Variants in ADGRL2 observed in about 807,000 individuals in gnomAD.
The protein encoded by ADGRL2 is adhesion G protein-coupled receptor L2, also known as calcium-independent alpha-latrotoxin receptor 2.
A neutral mutation model predicts 157.4 loss-of-function variants in ADGRL2; 44 were observed. The ratio of observed to expected loss-of-function variants is 0.28; its 90% confidence interval spans 0.22 to 0.36. ADGRL2 has a LOEUF of 0.36. Among genes scored for constraint, ADGRL2 ranks in the 10% least tolerant of loss-of-function variants. ADGRL2 has a pLI of 1.00. For missense variants in ADGRL2, 1,510 were observed against 1,768.9 expected (o/e 0.85, Z 2.63); for synonymous variants, 585 against 624.7 (o/e 0.94, Z 0.95).
intron 2 of ADGRL2, among the ~76,000 whole-genome samples, chr1:81,507,774 G>C (rs76843343): frequency 0.017 from 2,549 of 152,284 alleles, 40 homozygotes; most frequent in East Asian, 0.052. Flanking sequence ...GAATAATTCA[G>C]AAAAGGTAGA....
intron 2 of ADGRL2, among the ~76,000 whole-genome samples, chr1:81,528,537 C>T (rs2079521767): frequency 6.6e-6 from 1 of 151,110 alleles, no homozygotes; most frequent in South Asian, 2.1e-4. Flanking sequence ...GTCTCAGCTA[C>T]TCGGGAGGCT....
chr1:81,697,178 A>T (rs916505933), upstream of ADGRL2, among the ~76,000 whole-genome samples: 4 of 152,208 alleles, frequency 2.6e-5, no homozygotes, highest in Admixed American at 1.3e-4. Flanking sequence ...TAGGGGTTCA[A>T]ATTGAAGCCC....
At chr1:81,736,750 G>T (rs1163787028) in intron 1 of ADGRL2, among the ~76,000 whole-genome samples, 2 of 152,164 alleles carry the variant, frequency 1.3e-5, no homozygotes, top group African/African-American at 4.8e-5. Flanking sequence ...TGAGGACAGA[G>T]ATGCCACCTG....
chr1:81,328,187 C>T, intron 1 of ADGRL2, among the ~76,000 whole-genome samples: 1 of 152,240 alleles, frequency 6.6e-6, no homozygotes, highest in East Asian at 1.9e-4. Context: ...CATTTCTTTA[C>T]AGTAAGCTTC....
intron 2 of ADGRL2, among the ~76,000 whole-genome samples, chr1:81,459,821 T>C (rs2077887301): frequency 6.7e-6 from 1 of 149,376 alleles, no homozygotes; most frequent in South Asian, 2.1e-4. Flanking sequence ...TGTATATATA[T>C]ATATATATAT....
chr1:81,466,679 GCA>G (rs5775620), intron 2 of ADGRL2, among the ~76,000 whole-genome samples: 31 of 151,284 alleles, frequency 2.0e-4, no homozygotes, highest in African/African-American at 2.2e-4. Context: ...TCACGCGCGC[GCA>G]CACACACACA....
At chr1:81,507,507 T>C (rs1287496062) in intron 2 of ADGRL2, among the ~76,000 whole-genome samples, 2 of 152,184 alleles carry the variant, frequency 1.3e-5, no homozygotes, top group African/African-American at 2.4e-5. Context: ...TGACCACGTG[T>C]TTTGGAATTG....
Position 81,347,784 on chromosome 1 carries a change from A to G in ADGRL2, c.-302+41275A>G, listed in dbSNP as rs1456723953. On this transcript the variant is annotated intron_variant, in intron 1 of 24. Coordinates refer to the ADGRL2 transcript ENST00000370721. ...ATGGATGCATTTCACGGACTTAATCAGGCATCTCTGCAAAAGCCAGGAATA... is the reference window on the plus strand; with the variant it reads ...ATGGATGCATTTCACGGACTTAATCGGGCATCTCTGCAAAAGCCAGGAATA... Among the ~76,000 whole-genome samples, 3 of 152,304 alleles carry G rather than the reference A, an allele frequency of 2.0e-5. No homozygotes were observed. The East Asian group carries it at 5.8e-4, about 29-fold the overall frequency.
At chr1:81,988,743 A>C (rs1663908397) in intron 23 of ADGRL2, among the ~76,000 whole-genome samples, 1 of 152,106 alleles carries the variant, frequency 6.6e-6, no homozygotes, top group Non-Finnish European at 1.5e-5. Flanking sequence ...TTGGTCATGA[A>C]GTTTGTGTCA....
At chr1:81,707,600 C>A (rs2083779950) in intron 1 of ADGRL2, among the ~76,000 whole-genome samples, 1 of 152,064 alleles carries the variant, frequency 6.6e-6, no homozygotes, top group Admixed American at 6.6e-5. Context: ...CTGGACAATC[C>A]TAAATGAAGG....
chr1:81,511,339 C>T (rs2079071509), intron 2 of ADGRL2, among the ~76,000 whole-genome samples: 1 of 138,332 alleles, frequency 7.2e-6, no homozygotes, highest in Non-Finnish European at 1.5e-5. Flanking sequence ...CCAGGAGCTC[C>T]AAGCCCAGTC....
At chr1:81,393,151 G>A (rs940006377) in intron 1 of ADGRL2, among the ~76,000 whole-genome samples, 7 of 152,140 alleles carry the variant, frequency 4.6e-5, no homozygotes, top group Middle Eastern at 3.4e-3. Flanking sequence ...AATATAACTA[G>A]TTCCCTACTC....
intron 2 of ADGRL2, among the ~76,000 whole-genome samples, chr1:81,895,429 A>C (rs2094363033): frequency 9.6e-6 from 1 of 104,614 alleles, no homozygotes; most frequent in Non-Finnish European, 1.8e-5. Flanking sequence ...ATGGAGTTTC[A>C]CTCTTGTTGC....
intron 2 of ADGRL2, among the ~76,000 whole-genome samples, chr1:81,509,148 T>A (rs1023267328): frequency 1.8e-4 from 28 of 152,096 alleles, no homozygotes; most frequent in African/African-American, 6.0e-4. Context: ...AGTAATGGAG[T>A]ATGGTACTTC....
chr1:81,917,404 A>C (rs1395237773), intron 3 of ADGRL2, among the ~76,000 whole-genome samples: 1 of 152,092 alleles, frequency 6.6e-6, no homozygotes, highest in Admixed American at 6.6e-5. Context: ...TATTTTCTTT[A>C]AGTATATTAT....
At position 81,943,617 on chromosome 1, in the gene ADGRL2, A is replaced by G. The variant is rs1648798695; in HGVS notation, c.1058A>G (p.Asn353Ser). Reference protein sequence around the residue: ...SIDYIYNTRLNRGEYVDVPFP... With the variant: ...SIDYIYNTRLSRGEYVDVPFP... ...GATTACATTTATAATACCCGATTAAACCGAGGAGAATATGTAGATGTTCCC... is the reference window on the plus strand; with the variant it reads ...GATTACATTTATAATACCCGATTAAGCCGAGGAGAATATGTAGATGTTCCC... The change falls in exon 6 of 24, where the codon AAC becomes AGC. Residue 353 changes from asparagine (N) to serine (S), a missense_variant. Asn to Ser is a conservative substitution (Grantham distance 46). This residue lies in a region of ADGRL2 where 361 missense variants were observed against 498.4 expected (regional missense o/e 0.72). Coordinates refer to ENST00000686636, the MANE Select transcript of ADGRL2 (RefSeq NM_001366006.2). The surrounding 1 kb of genome is among the most constrained non-coding windows in gnomAD (Gnocchi z 5.6). 1.2e-6 allele frequency: 2 copies of G among 1,613,594 alleles called. No individual in the cohort carries two copies. The highest frequency in any genetic ancestry group is 1.6e-4 in the Middle Eastern group (1 of 6,084).
At chr1:81,990,129 G>C in intron 23 of ADGRL2, 2 of 985,258 alleles carry the variant, frequency 2.0e-6, no homozygotes, top group Non-Finnish European at 2.4e-6. Flanking sequence ...AATCAGTACT[G>C]TCTCCTGAAA....
chr1:81,496,251 A>G (rs1465632262), intron 2 of ADGRL2, among the ~76,000 whole-genome samples: 2 of 152,208 alleles, frequency 1.3e-5, no homozygotes, highest in Middle Eastern at 3.2e-3. Context: ...TGAACATTTT[A>G]TCAAAAAGAA....
chr1:81,957,388 G>T (rs2149160139), intron 11 of ADGRL2, among the ~76,000 whole-genome samples: 1 of 152,246 alleles, frequency 6.6e-6, no homozygotes, highest in African/African-American at 2.4e-5. Flanking sequence ...TAGTACCTAT[G>T]TTTTTCAGAG....
Sources: gnomAD v4.1 joint callset for allele counts (sites outside exome capture counted in the v4.1 genomes callset) on GRCh38, gnomAD v4.1.1 for gene constraint, gnomAD v4.1.1 regional missense constraint, Gnocchi (gnomAD v3.1) non-coding constraint, MANE v1.5 for transcripts, NCBI Gene and HGNC (gene_info 2026-07-23, HGNC 2026-07-21) for gene names.